The following CLMP variants were observed in gnomAD, a reference collection of about 807,000 sequenced individuals.
CLMP encodes CXADR-like membrane protein.
CLMP carries 27 observed loss-of-function variants against 45.2 expected under a neutral mutation model. The observed-to-expected ratio is 0.60, with a 90% CI of 0.44 to 0.82. CLMP has a LOEUF of 0.82. CLMP is among the 40% of genes least tolerant of loss of function. CLMP has a pLI of 0.00. For synonymous variants in CLMP, 167 were observed against 171.4 expected (o/e 0.97, Z 0.20); for missense variants, 403 against 448.4 (o/e 0.90, Z 0.91).
intron 1 of CLMP, among the ~76,000 whole-genome samples, chr11:123,166,295 C>T (rs990710918): frequency 6.6e-6 from 1 of 152,204 alleles, no homozygotes; most frequent in African/African-American, 2.4e-5. Context: ...TTATCTCTTT[C>T]GCCAAGCCCC....
chr11:123,116,873 G>T (rs1033526196), intron 1 of CLMP, among the ~76,000 whole-genome samples: 6 of 152,044 alleles, frequency 3.9e-5, no homozygotes, highest in Non-Finnish European at 8.8e-5. Flanking sequence ...GTAGTTTAGT[G>T]TTATTTCCCT....
intron 1 of CLMP, 31 bp from the exon 2 acceptor site, chr11:123,097,983 CAG>C: frequency 6.7e-7 from 1 of 1,485,860 alleles, no homozygotes; most frequent in Non-Finnish European, 9.0e-7. Context: ...ATGAGTAATG[CAG>C]AGACTGGATG....
intron 1 of CLMP, among the ~76,000 whole-genome samples, chr11:123,158,231 G>A (rs976088496): frequency 6.6e-6 from 1 of 152,122 alleles, no homozygotes; most frequent in African/African-American, 2.4e-5. Flanking sequence ...GCCTCTAAGT[G>A]CCCTTCCAAT....
intron 1 of CLMP, among the ~76,000 whole-genome samples, chr11:123,100,376 C>T (rs1282063166): frequency 6.9e-6 from 1 of 144,960 alleles, no homozygotes; most frequent in Non-Finnish European, 1.5e-5. Context: ...GCGAGACTCC[C>T]TCTCAGAAAA....
At chr11:123,131,041 C>T (rs1416375979) in intron 1 of CLMP, among the ~76,000 whole-genome samples, 1 of 152,028 alleles carries the variant, frequency 6.6e-6, no homozygotes, top group East Asian at 1.9e-4. Context: ...CAGGGGTTCA[C>T]CATGTTGGCC....
chr11:123,144,474 C>A (rs1164627327), intron 1 of CLMP, among the ~76,000 whole-genome samples: 2 of 152,184 alleles, frequency 1.3e-5, no homozygotes, highest in East Asian at 3.9e-4. Flanking sequence ...TGGGTTCAAG[C>A]GATTCTCCTG....
chr11:123,129,387 ATATATTATATAAAATATATAT>A (rs1565391322), intron 1 of CLMP, among the ~76,000 whole-genome samples: 2 of 141,102 alleles, frequency 1.4e-5, no homozygotes, highest in Non-Finnish European at 3.0e-5. Flanking sequence ...ATATCATATG[ATATATTATATAAAATATATAT>A]CATATGATAT....
At chr11:123,153,819 AC>A (rs1591479881) in intron 1 of CLMP, among the ~76,000 whole-genome samples, 2 of 148,480 alleles carry the variant, frequency 1.3e-5, no homozygotes, top group East Asian at 3.9e-4. Context: ...AGTAGCTGGG[AC>A]TACAGGTGCA....
At chr11:123,109,186 C>A (rs925605628) in intron 1 of CLMP, among the ~76,000 whole-genome samples, 3 of 151,954 alleles carry the variant, frequency 2.0e-5, no homozygotes, top group African/African-American at 4.8e-5. Flanking sequence ...CTGCACTGAG[C>A]TTTTCACCTA....
intron 2 of CLMP, among the ~76,000 whole-genome samples, chr11:123,088,740 C>G (rs1369550230): frequency 1.3e-5 from 2 of 152,202 alleles, no homozygotes; most frequent in East Asian, 3.9e-4. Flanking sequence ...ATTCTCCTGT[C>G]TCAGCCTCTC....
intron 1 of CLMP, among the ~76,000 whole-genome samples, chr11:123,122,354 G>A (rs1860831133): frequency 6.6e-6 from 1 of 152,130 alleles, no homozygotes; most frequent in Admixed American, 6.5e-5. Context: ...AATTAGATCT[G>A]TGGCTTTTTA....
chr11:123,155,505 G>A (rs1861401150), intron 1 of CLMP, among the ~76,000 whole-genome samples: 2 of 152,228 alleles, frequency 1.3e-5, no homozygotes, highest in South Asian at 2.1e-4. Context: ...CCCATCGTGT[G>A]AGGAAGGTAT....
chr11:123,170,189 G>A (rs1204221662), intron 1 of CLMP, among the ~76,000 whole-genome samples: 1 of 152,148 alleles, frequency 6.6e-6, no homozygotes, highest in African/African-American at 2.4e-5. Context: ...TATATTTGGG[G>A]TTAAAATATT....
chr11:123,152,306 G>C (rs557638481), intron 1 of CLMP, among the ~76,000 whole-genome samples: 41 of 152,070 alleles, frequency 2.7e-4, no homozygotes, highest in Admixed American at 1.7e-3. Flanking sequence ...GGTGGATCAC[G>C]AGGTCAAGAG....
intron 1 of CLMP, among the ~76,000 whole-genome samples, chr11:123,186,694 T>C (rs1337417347): frequency 6.6e-6 from 1 of 152,166 alleles, no homozygotes; most frequent in Non-Finnish European, 1.5e-5. Context: ...GGCTCATTTT[T>C]ATATTTTTAG....
intron 1 of CLMP, among the ~76,000 whole-genome samples, chr11:123,128,945 G>T (rs1048981829): frequency 6.6e-6 from 1 of 152,136 alleles, no homozygotes; most frequent in Non-Finnish European, 1.5e-5. Flanking sequence ...GGAAGTCAAA[G>T]AAATTGACTG....
At chr11:123,100,111 CT>C (rs1031569946) in intron 1 of CLMP, among the ~76,000 whole-genome samples, 3 of 152,126 alleles carry the variant, frequency 2.0e-5, no homozygotes, top group African/African-American at 7.2e-5. Flanking sequence ...TGGCTCACGC[CT>C]GTAATCCCAG....
chr11:123,188,587 A>G (rs1861863847), intron 1 of CLMP, among the ~76,000 whole-genome samples: 1 of 152,184 alleles, frequency 6.6e-6, no homozygotes. Context: ...TTCTGAAGAT[A>G]GTTGCCCATT....
chr11:123,185,003 C>T (rs1023811987), intron 1 of CLMP, among the ~76,000 whole-genome samples: 2 of 152,102 alleles, frequency 1.3e-5, no homozygotes, highest in African/African-American at 2.4e-5. Flanking sequence ...CTGAGAGGGG[C>T]GAGCACAGCT....
Sources: allele counts gnomAD v4.1 joint callset (sites outside exome capture counted in the v4.1 genomes callset), GRCh38; gene constraint gnomAD v4.1.1; transcripts MANE v1.5; gene names NCBI Gene and HGNC (gene_info 2026-07-23, HGNC 2026-07-21).